The following NPHP1 variants were observed in gnomAD, a reference collection of about 807,000 sequenced individuals.
NPHP1 encodes nephrocystin 1, also known as nephrocystin-1.
In NPHP1, 70 loss-of-function variants were observed where a neutral mutation model predicts 90.4. The observed-to-expected ratio is 0.77, with a 90% CI of 0.64 to 0.95. The LOEUF (loss-of-function observed/expected upper bound fraction) is 0.95, where lower values mean the gene tolerates loss of function less well. NPHP1 is among the 40% of genes least tolerant of loss of function. NPHP1 has a pLI of 0.00. For missense variants in NPHP1, 764 were observed against 795.9 expected, an observed-to-expected ratio of 0.96 and a Z score of 0.48; for synonymous variants, 256 against 271.7, an observed-to-expected ratio of 0.94 and a Z score of 0.57.
chr2:110,193,222 A>C (rs1009179903), intron 2 of NPHP1, among the ~76,000 whole-genome samples: 1 of 152,166 alleles, frequency 6.6e-6, no homozygotes, highest in Non-Finnish European at 1.5e-5. Flanking sequence ...AAATTGGATA[A>C]AGAGTCAAGG....
At chr2:110,151,578 T>C (rs1445639781) in intron 11 of NPHP1, among the ~76,000 whole-genome samples, 1 of 152,180 alleles carries the variant, frequency 6.6e-6, no homozygotes, top group African/African-American at 2.4e-5. Context: ...TTCCACTCAC[T>C]GTATTCCACA....
chr2:110,128,906 G>T, intron 18 of NPHP1: 1 of 466,218 alleles, frequency 2.1e-6, no homozygotes, highest in Non-Finnish European at 3.9e-6. Context: ...TTTGCTCTTA[G>T]GACACAATCA....
Position 110,204,980 on chromosome 2 carries a change from C to T in NPHP1, c.-12G>A. 1 of 1,613,706 alleles carries T rather than the reference C, an allele frequency of 6.2e-7. No homozygotes were observed. The highest frequency in any genetic ancestry group is 8.5e-7 in the Non-Finnish European group (1 of 1,179,786). On this transcript the variant is annotated 5_prime_UTR_variant, in exon 1 of 20. Transcript: ENST00000445609. ...CGTCTCGCCAGCATCTCCCTGGCTGCGGTGCTCTGATTGCTCCAGTTGCCA... is the reference window on the plus strand; with the variant it reads ...CGTCTCGCCAGCATCTCCCTGGCTGTGGTGCTCTGATTGCTCCAGTTGCCA...
intron 10 of NPHP1, among the ~76,000 whole-genome samples, chr2:110,161,301 A>G (rs529291059): frequency 1.4e-4 from 22 of 152,306 alleles, no homozygotes; most frequent in African/African-American, 5.1e-4. Flanking sequence ...TGTTGGAAGC[A>G]TTACTATTAC....
intron 4 of NPHP1, among the ~76,000 whole-genome samples, chr2:110,173,945 C>T (rs1415583530): frequency 6.6e-6 from 1 of 151,896 alleles, no homozygotes; most frequent in Non-Finnish European, 1.5e-5. Flanking sequence ...CCTACTGAAT[C>T]GACCCTTTCT....
chr2:110,171,484 A>C (rs1031001741), intron 4 of NPHP1, among the ~76,000 whole-genome samples: 1 of 152,180 alleles, frequency 6.6e-6, no homozygotes, highest in Non-Finnish European at 1.5e-5. Flanking sequence ...GTTTAAAATA[A>C]TGGTAGGACA....
At chr2:110,146,857 T>C in intron 13 of NPHP1, 22 bp from the exon 14 acceptor site, 3 of 1,578,972 alleles carry the variant, frequency 1.9e-6, no homozygotes, top group East Asian at 2.2e-5. Context: ...GACAAGTATA[T>C]GAAACTTAAG....
rs1368614324 is a variant in NPHP1 at position 110,191,935 on chromosome 2, C to T, written c.143+9486G>A. ...CCTCCGGCAAACTCCAACAGACCTG[C>T]AGCTGAGGGTCCTGACTGTTAGAAG... On this transcript the variant is annotated intron_variant, in intron 2 of 19. Coordinates refer to ENST00000445609, the MANE Select transcript of NPHP1 (RefSeq NM_001128178.3). 1.3e-5 allele frequency among the ~76,000 whole-genome samples: 2 copies of T among 151,872 alleles called. 1 individual carries two copies. Among genetic ancestry groups the T allele is most frequent in the Non-Finnish European group, 2.9e-5 (2 of 67,934 alleles).
At chr2:110,203,887 G>C (rs1328935923) in intron 1 of NPHP1, among the ~76,000 whole-genome samples, 1 of 151,314 alleles carries the variant, frequency 6.6e-6, no homozygotes, top group Non-Finnish European at 1.5e-5. Flanking sequence ...TCCTGTCTCA[G>C]CCTCCCAAGT....
intron 16 of NPHP1, among the ~76,000 whole-genome samples, chr2:110,138,418 A>T (rs978429565): frequency 6.6e-6 from 1 of 152,174 alleles, no homozygotes; most frequent in African/African-American, 2.4e-5. Flanking sequence ...CTCTTAGCAC[A>T]GTTATCTTGA....
At position 110,147,827 on chromosome 2, in the gene NPHP1, A is replaced by G; in HGVS notation, c.1269+89T>C. The G allele has an allele frequency of 6.4e-6, 5 of 784,642 alleles. No homozygotes were observed. In the South Asian group the frequency reaches 7.2e-5, roughly 11 times the overall value. 48.6% of individuals were successfully genotyped at this position (784,642 alleles called of 1,614,324 possible). A position where few individuals can be genotyped will look rare whatever the true frequency, so the allele number is the denominator to read the frequency against. On this transcript the variant is annotated intron_variant, in intron 13 of 19. Transcript: ENST00000445609. ...GATTAAAATTCAATTACACATAAAG[A>G]CTTCAAGGATTTCCTTGTCAATAGA...
intron 19 of NPHP1, chr2:110,125,356 G>C (rs1476168345): frequency 2.0e-6 from 3 of 1,505,590 alleles, no homozygotes; most frequent in Middle Eastern, 1.7e-4. Context: ...AAAGAAATTT[G>C]ATACACAACT....
Position 110,169,914 on chromosome 2 carries a change from C to T in NPHP1, c.414G>A (p.Glu138=). 2 of 1,608,580 alleles carry T rather than the reference C, an allele frequency of 1.2e-6. No individual in the cohort carries two copies. The highest frequency in any genetic ancestry group is 8.5e-7 in the Non-Finnish European group (1 of 1,175,160). Residue 138 remains glutamate (E), a synonymous_variant, in exon 5 of 20, where the codon GAG becomes GAA. Coordinates refer to ENST00000445609, the MANE Select transcript of NPHP1 (RefSeq NM_001128178.3). Reference sequence around the variant, plus strand: ...CATTTTCCTCTTTCTCTTCCTCTTCCTCCTCTGCATCTTCTTCCTCCCCAC... The same window carrying T: ...CATTTTCCTCTTTCTCTTCCTCTTCTTCCTCTGCATCTTCTTCCTCCCCAC... ...DSGGEEEDAE[E]EEEEKEENES... is the part of the protein sequence containing the mutation.
chr2:110,201,423 T>C lies in NPHP1; in HGVS notation c.141A>G (p.Gln47=), dbSNP rs1231674320. 6.3e-7 allele frequency: 1 copy of C among 1,598,106 alleles called. No individual in the cohort carries two copies. Among genetic ancestry groups the C allele is most frequent in the East Asian group, 2.2e-5 (1 of 44,776 alleles). The change falls in exon 2 of 20, where the codon CAA becomes CAG. Residue 47 remains glutamine, a splice_region_variant and synonymous_variant. Transcript: ENST00000445609. The part of the protein sequence containing the change: ...LEPNKRQHIY[Q]RCIQLKQAID... ...TTATATAATTTAGCATACTTTACCT[T>C]TGATAAATATGTTGTCTTTTATTGG... is the stretch of plus-strand genomic sequence containing the variant.
chr2:110,133,288 C>T (rs1020641991), intron 16 of NPHP1, among the ~76,000 whole-genome samples: 2 of 151,946 alleles, frequency 1.3e-5, no homozygotes, highest in Admixed American at 1.3e-4. Flanking sequence ...AGACTTCAAG[C>T]CCCCCAAAAG....
intron 2 of NPHP1, among the ~76,000 whole-genome samples, chr2:110,192,634 T>A (rs1684833426): frequency 6.6e-6 from 1 of 152,054 alleles, no homozygotes; most frequent in South Asian, 2.1e-4. Context: ...AGGCCAACAT[T>A]CAAATTCAGG....
At chr2:110,170,885 T>C (rs1355891887) in intron 4 of NPHP1, among the ~76,000 whole-genome samples, 2 of 152,004 alleles carry the variant, frequency 1.3e-5, no homozygotes, top group African/African-American at 2.4e-5. Flanking sequence ...AGCTCATGAA[T>C]GGTAGGGCAA....
intron 1 of NPHP1, 145 bp from the exon 2 acceptor site, chr2:110,201,639 C>T (rs1287944803): frequency 4.7e-6 from 3 of 633,204 alleles, no homozygotes; most frequent in Non-Finnish European, 8.3e-6. Flanking sequence ...ACCCATATAC[C>T]CGCTACCTAG....
chr2:110,178,415 AAGCATACTCAGT>A lies in NPHP1; in HGVS notation c.325_329+7del, dbSNP rs1683656584. 6 of 1,613,530 alleles carry A rather than the reference AAGCATACTCAGT, an allele frequency of 3.7e-6. No individual in the cohort carries two copies. Among genetic ancestry groups the A allele is most frequent in the Non-Finnish European group, 5.1e-6 (6 of 1,179,662 alleles). ...AAAAGAAAAAAGAAAGGTAGAAAGG[AAGCATACTCAGT>A]TATATTTTCTCTGCTTATTGTCACA... is the stretch of plus-strand genomic sequence containing the variant. On this transcript the variant is annotated splice_donor_variant and splice_donor_5th_base_variant and coding_sequence_variant and intron_variant, in exon 4 of 20. Transcript: ENST00000445609. LOFTEE classifies it high-confidence loss of function.
Sources: allele counts gnomAD v4.1 joint callset (sites outside exome capture counted in the v4.1 genomes callset), GRCh38; gene constraint gnomAD v4.1.1; transcripts MANE v1.5; gene names NCBI Gene and HGNC (gene_info 2026-07-23, HGNC 2026-07-21).